Variants in PSMC2 observed in about 807,000 individuals in gnomAD.
PSMC2 encodes 26S proteasome regulatory subunit 7.
PSMC2 carries 7 observed loss-of-function variants against 53.3 expected under a neutral mutation model. The observed-to-expected ratio is 0.13, with a 90% CI of 0.07 to 0.25. PSMC2 has a LOEUF of 0.25. Ranked by LOEUF, PSMC2 falls within the 10% of genes least tolerant of loss-of-function variation. The pLI is 1.00. For synonymous variants in PSMC2, 169 were observed against 183.9 expected, an observed-to-expected ratio of 0.92 and a Z score of 0.66; for missense variants, 241 against 544.0, an observed-to-expected ratio of 0.44 and a Z score of 5.54.
chr7:103,362,491 A>T, intron 5 of PSMC2, 195 bp from the exon 6 acceptor site: 6 of 1,411,236 alleles, frequency 4.3e-6, no homozygotes, highest in Non-Finnish European at 5.5e-6. Flanking sequence ...TTGCTGTTGG[A>T]TAGGTTGTTT....
intron 4 of PSMC2, 148 bp from the exon 5 acceptor site, chr7:103,361,809 G>C (rs1457996863): frequency 1.5e-6 from 1 of 674,334 alleles, no homozygotes; most frequent in Non-Finnish European, 2.2e-6. Flanking sequence ...TTTGGAGTTG[G>C]GTATAGAAAA....
At chr7:103,361,509 T>TAA (rs1820406889) in intron 4 of PSMC2, among the ~76,000 whole-genome samples, 1 of 33,320 alleles carries the variant, frequency 3.0e-5, no homozygotes, top group African/African-American at 1.7e-4. Flanking sequence ...AAACTCCATC[T>TAA]CAAAAAAAAA....
At chr7:103,350,749 T>C (rs1819712464) in intron 1 of PSMC2, among the ~76,000 whole-genome samples, 1 of 152,168 alleles carries the variant, frequency 6.6e-6, no homozygotes, top group South Asian at 2.1e-4. Flanking sequence ...CCTCCCACCT[T>C]GGCCACCCAA....
chr7:103,362,454 A>T (rs1554574844), intron 5 of PSMC2: 1 of 1,369,172 alleles, frequency 7.3e-7, no homozygotes, highest in Non-Finnish European at 9.4e-7. Flanking sequence ...TTAAAAAAAA[A>T]TCTCCCCTCC....
chr7:103,354,092 A>T lies in PSMC2; in HGVS notation c.108+134A>T. 4.4e-6 allele frequency: 3 copies of T among 684,346 alleles called. No homozygotes were observed. The South Asian group carries it at 7.1e-5, about 16-fold the overall frequency. 42.4% of individuals were successfully genotyped at this position (684,346 alleles called of 1,614,324 possible). A position where few individuals can be genotyped will look rare whatever the true frequency, so the allele number is the denominator to read the frequency against. ...AAAAACCAAACAAAAAATAAAATAA[A>T]AAGAAACAATTAGAAAAGAATGTCT... On this transcript the variant is annotated intron_variant, in intron 2 of 11. Coordinates refer to ENST00000292644, the MANE Select transcript of PSMC2 (RefSeq NM_002803.4).
rs1455033688 is a variant in PSMC2 at position 103,369,123 on chromosome 7, G to C, written c.*1069G>C. On this transcript the variant is annotated 3_prime_UTR_variant, in exon 12 of 12. Transcript: ENST00000292644. ...AGAAAAAGTTGACAACATAGAAAAT[G>C]CTGCTTTGCACTGAAATACTTAAAA... The C allele has an allele frequency of 6.6e-6, 1 of 152,140 alleles. No homozygotes were observed. Among genetic ancestry groups the C allele is most frequent in the Non-Finnish European group, 1.5e-5 (1 of 68,022 alleles). The allele number at this position is 152,140 out of a possible 1,614,324, so 9.4% of individuals were successfully genotyped here.
intron 7 of PSMC2, 77 bp from the exon 8 acceptor site, chr7:103,364,066 G>A (rs1820561532): frequency 1.2e-5 from 16 of 1,380,962 alleles, no homozygotes; most frequent in Non-Finnish European, 1.6e-5. Context: ...AAACATAAAA[G>A]CACTTTGTTG....
Position 103,368,263 on chromosome 7 carries a change from C to A in PSMC2, c.*209C>A. 1 of 505,792 alleles carries A rather than the reference C, an allele frequency of 2.0e-6. No individual in the cohort carries two copies. The highest frequency in any genetic ancestry group is 3.5e-5 in the East Asian group (1 of 28,902). 31.3% of individuals were successfully genotyped at this position (505,792 alleles called of 1,614,324 possible). A position where few individuals can be genotyped will look rare whatever the true frequency, so the allele number is the denominator to read the frequency against. On this transcript the variant is annotated 3_prime_UTR_variant, in exon 12 of 12. Transcript: ENST00000292644. ...TTTGACTATTTTTTTGACCCACACC[C>A]GTTTAAGGATTTCACATCATACAAA... is the stretch of plus-strand genomic sequence containing the variant.
intron 4 of PSMC2, among the ~76,000 whole-genome samples, chr7:103,356,860 A>G (rs1352421624): frequency 6.6e-6 from 1 of 152,178 alleles, no homozygotes; most frequent in Non-Finnish European, 1.5e-5. Flanking sequence ...GGCTATAAAC[A>G]TATTCTCCTC....
At chr7:103,359,476 C>T (rs1340891963) in intron 4 of PSMC2, among the ~76,000 whole-genome samples, 1 of 152,066 alleles carries the variant, frequency 6.6e-6, no homozygotes, top group Non-Finnish European at 1.5e-5. Flanking sequence ...ACCCAATACC[C>T]ATTAGCAGTC....
rs554189303 is a variant in PSMC2 at position 103,363,110 on chromosome 7, T to TA, written c.496-234_496-233insA. Among the ~76,000 whole-genome samples, 41 of 152,272 alleles carry TA rather than the reference T, an allele frequency of 2.7e-4. No individual in the cohort carries two copies. The East Asian group carries it at 6.8e-3, about 25-fold the overall frequency. ...AGCCCGGCAGTATTTTATATATATA[T>TA]TTTTTGAGACAGAGTCTCAGCCTGT... On this transcript the variant is annotated intron_variant, in intron 6 of 11. Coordinates refer to ENST00000292644, the MANE Select transcript of PSMC2 (RefSeq NM_002803.4).
rs1820797080 is a variant in PSMC2 at position 103,367,858 on chromosome 7, G to C, written c.1145-39G>C. ...ATTTGCTGGTCTGTCTGCTCAGGCT[G>C]CTTTAATTAAGCCCGTTTATTTTCT... is the stretch of plus-strand genomic sequence containing the variant. On this transcript the variant is annotated intron_variant, in intron 11 of 11. Transcript: ENST00000292644. The surrounding 1 kb of genome is among the most constrained non-coding windows in gnomAD (Gnocchi z 6.1). The C allele has an allele frequency of 6.2e-7, 1 of 1,612,208 alleles. No individual in the cohort carries two copies. Among genetic ancestry groups the C allele is most frequent in the Non-Finnish European group, 8.5e-7 (1 of 1,179,316 alleles).
chr7:103,357,092 C>T (rs563582906), intron 4 of PSMC2, among the ~76,000 whole-genome samples: 6 of 152,010 alleles, frequency 3.9e-5, no homozygotes, highest in African/African-American at 1.4e-4. Flanking sequence ...TTGGGAGGCC[C>T]AGGCAGGCAG....
At chr7:103,351,885 T>C (rs1028448320) in intron 1 of PSMC2, among the ~76,000 whole-genome samples, 1 of 152,160 alleles carries the variant, frequency 6.6e-6, no homozygotes, top group African/African-American at 2.4e-5. Context: ...TGTAGATTCT[T>C]CCTCTGAGGG....
At chr7:103,360,073 C>T (rs933801183) in intron 4 of PSMC2, among the ~76,000 whole-genome samples, 18 of 149,622 alleles carry the variant, frequency 1.2e-4, no homozygotes, top group African/African-American at 3.5e-4. Flanking sequence ...AGTGAGATTC[C>T]GTCTCAAAAA....
intron 8 of PSMC2, 38 bp from the exon 9 acceptor site, chr7:103,366,038 A>C: frequency 6.6e-7 from 1 of 1,525,236 alleles, no homozygotes; most frequent in Non-Finnish European, 9.0e-7. Context: ...AAATATTTTG[A>C]AACCAATTTT....
At position 103,347,720 on chromosome 7, in the gene PSMC2, T is replaced by C. The variant is rs1489661401; in HGVS notation, c.9T>C (p.Asp3=). The C allele has an allele frequency of 6.2e-7, 1 of 1,613,798 alleles. No homozygotes were observed. The highest frequency in any genetic ancestry group is 1.3e-5 in the African/African-American group (1 of 74,892). ...CTTTTGGAGCTGCTAAAATGCCGGA[T>C]TACCTCGGTGCCGATCAGCGGAAGA... MP[D]YLGADQRKTK... Residue 3 remains aspartate (D), a synonymous_variant, in exon 1 of 12, where the codon GAT becomes GAC. Coordinates refer to ENST00000292644, the MANE Select transcript of PSMC2 (RefSeq NM_002803.4).
At position 103,364,981 on chromosome 7, in the gene PSMC2, A is replaced by ATATATATTTATT. The variant is rs950613120; in HGVS notation, c.756+677_756+678insATATTTATTTAT. 2.8e-3 allele frequency among the ~76,000 whole-genome samples: 396 copies of ATATATATTTATT among 140,786 alleles called. 6 individuals are homozygous for ATATATATTTATT. The highest frequency in any genetic ancestry group is 9.9e-3 in the African/African-American group (376 of 38,170). The allele number at this position is 140,786 out of a possible 152,430, so 92.4% of individuals were successfully genotyped here. A position where few individuals can be genotyped will look rare whatever the true frequency, so the allele number is the denominator to read the frequency against. On this transcript the variant is annotated intron_variant, in intron 8 of 11. Coordinates refer to ENST00000292644, the MANE Select transcript of PSMC2 (RefSeq NM_002803.4). Reference sequence around the variant, plus strand: ...TACATATATATATATATATATATATATATTTAGAGAATAAGTCTAGGGCTA... The same window carrying ATATATATTTATT: ...TACATATATATATATATATATATATATATATATTTATTTATTTAGAGAATAAGTCTAGGGCTA...
chr7:103,355,811 G>C lies in PSMC2; in HGVS notation c.290+18G>C. The C allele has an allele frequency of 6.4e-7, 1 of 1,550,944 alleles. No homozygotes were observed. Among genetic ancestry groups the C allele is most frequent in the East Asian group, 2.3e-5 (1 of 44,376 alleles). ...GTTGCCAGGTATGCACGGGTGCTCT[G>C]TGGCAACTTACCTTTGTCTGTATTT... On this transcript the variant is annotated intron_variant, in intron 4 of 11. Transcript: ENST00000292644.
Sources: gnomAD v4.1 joint callset for allele counts (sites outside exome capture counted in the v4.1 genomes callset) on GRCh38, gnomAD v4.1.1 for gene constraint, Gnocchi (gnomAD v3.1) non-coding constraint, MANE v1.5 for transcripts, NCBI Gene and HGNC (gene_info 2026-07-23, HGNC 2026-07-21) for gene names.